MDP1: variants seen among roughly 807,000 people sequenced by gnomAD.
MDP1 encodes magnesium dependent phosphatase 1.
In MDP1, 18 loss-of-function variants were observed where a neutral mutation model predicts 21.6. The ratio of observed to expected loss-of-function variants is 0.83; its 90% CI spans 0.58 to 1.24. MDP1 has a LOEUF of 1.24. MDP1 is among the 50% of genes most tolerant of loss of function. The probability of loss-of-function intolerance (pLI) is 0.00; values close to 1 mark genes in which losing one functional copy is unlikely to be tolerated. For missense variants in MDP1, 207 were observed against 218.6 expected, an observed-to-expected ratio of 0.95 and a Z score of 0.33; for synonymous variants, 101 against 83.2, an observed-to-expected ratio of 1.21 and a Z score of -1.16.
At chr14:24,215,711 C>A in intron 2 of MDP1, 26 bp downstream of exon 2, 1 of 1,614,184 alleles carries the variant, frequency 6.2e-7, no homozygotes, top group Non-Finnish European at 8.5e-7. Context: ...CTATCTCGCC[C>A]CCAGTCTTCC....
chr14:24,214,851 C>CG (rs2039650280), intron 3 of MDP1, among the ~76,000 whole-genome samples: 1 of 152,010 alleles, frequency 6.6e-6, no homozygotes, highest in Non-Finnish European at 1.5e-5. Context: ...GACCCAATCA[C>CG]GGCTCACTGT....
Position 24,214,463 on chromosome 14 carries a change from C to T in MDP1, c.317+29G>A, listed in dbSNP as rs750160396. On this transcript the variant is annotated intron_variant, in intron 4 of 5. Coordinates refer to ENST00000288087, the MANE Select transcript of MDP1 (RefSeq NM_138476.4). ...TTCCCAGGCCTCTCTGATACTTTCT[C>T]ACCCTGCTCCTCCCTTATCTCCGCA... The T allele has an allele frequency of 3.1e-6, 5 of 1,614,094 alleles. No homozygotes were observed. The South Asian group carries it at 3.3e-5, about 11-fold the overall frequency.
intron 4 of MDP1, 34 bp from the exon 5 acceptor site, chr14:24,214,429 T>C: frequency 6.2e-7 from 1 of 1,614,208 alleles, no homozygotes; most frequent in African/African-American, 1.3e-5. Context: ...ACCAAGCTAG[T>C]ATCTTGGTTT....
Position 24,214,343 on chromosome 14 carries a change from C to T in MDP1, c.370G>A (p.Glu124Lys). Residue 124 changes from glutamate (E) to lysine (K), a missense_variant, in exon 5 of 6, where the codon GAG becomes AAG. Physicochemically the swap from Glu to Lys is moderately conservative, Grantham distance 56. Coordinates refer to ENST00000288087, the MANE Select transcript of MDP1 (RefSeq NM_138476.4). The part of the protein sequence containing the change: ...PFSQMIFFDD[E>K]RRNIVDVSKL... Reference sequence around the variant, plus strand: ...CTGACGTCTACAATATTCCGCCTCTCATCATCAAAGAAGATCATCTGGGAG... The same window carrying T: ...CTGACGTCTACAATATTCCGCCTCTTATCATCAAAGAAGATCATCTGGGAG... The T allele has an allele frequency of 1.2e-6, 2 of 1,614,218 alleles. No individual in the cohort carries two copies. The highest frequency in any genetic ancestry group is 1.7e-6 in the Non-Finnish European group (2 of 1,180,040).
chr14:24,214,466 C>T, intron 4 of MDP1, 26 bp downstream of exon 4: 1 of 1,614,138 alleles, frequency 6.2e-7, no homozygotes. Flanking sequence ...ACTTTCTCAC[C>T]CTGCTCCTCC....
Position 24,215,756 on chromosome 14 carries a change from G to A in MDP1, c.79C>T (p.Pro27Ser), listed in dbSNP as rs1402261360. The change falls in exon 2 of 6, where the codon CCT (proline) becomes TCT (serine). Residue 27 changes from proline (P) to serine (S), a missense_variant. Physicochemically the swap from Pro to Ser is moderately conservative, Grantham distance 74. Transcript: ENST00000288087. ...WPFWVDTHVD[P>S]PFHKSSDGTV... The stretch of plus-strand genomic sequence containing the variant: ...CCTCACCTGCTCTTATGGAACGGAG[G>A]GTCTACGTGCGTGTCGACCCAGAAA... The A allele has an allele frequency of 5.0e-6, 8 of 1,614,066 alleles. No homozygotes were observed. Among genetic ancestry groups the A allele is most frequent in the Non-Finnish European group, 6.8e-6 (8 of 1,180,042 alleles).
chr14:24,214,151 C>G lies in MDP1; in HGVS notation c.404G>C (p.Gly135Ala). Residue 135 changes from glycine to alanine, a missense_variant and splice_region_variant, in exon 6 of 6, where the codon GGT becomes GCT. Transcript: ENST00000288087. ...RRNIVDVSKL[G>A]VTCIHIQNGM... ...ATTCTGGATGTGAATGCAGGTAACA[C>G]CTAGAAAGATAAGAAGTCACATTTC... The G allele has an allele frequency of 6.2e-7, 1 of 1,609,876 alleles. No individual in the cohort carries two copies. Among genetic ancestry groups the G allele is most frequent in the Admixed American group, 1.7e-5 (1 of 58,910 alleles).
Position 24,214,556 on chromosome 14 carries a change from C to G in MDP1, c.253G>C (p.Asp85His). The G allele has an allele frequency of 6.2e-7, 1 of 1,614,184 alleles. No homozygotes were observed. The highest frequency in any genetic ancestry group is 8.5e-7 in the Non-Finnish European group (1 of 1,180,044). Residue 85 changes from aspartate (D) to histidine (H), a missense_variant, in exon 4 of 6, where the codon GAC (aspartate) becomes CAC (histidine). By Grantham distance (81) the Asp-to-His change is moderately conservative. Transcript: ENST00000288087. ...CGATGAACAAAGTACCTGAAGAGGT[C>G]AAAGAGCTCCAGTAGCTGGTTGGCC... is the stretch of plus-strand genomic sequence containing the variant. ...EGANQLLELF[D>H]LFRYFVHREI... is the part of the protein sequence containing the mutation.
At position 24,215,977 on chromosome 14, in the gene MDP1, G is replaced by A; in HGVS notation, c.-22C>T. Reference sequence around the variant, plus strand: ...CCATGACCCGCACCGCAGGCTGCGCGCAGCAGAGGTGGGGCTTCACCCGGG... The same window carrying A: ...CCATGACCCGCACCGCAGGCTGCGCACAGCAGAGGTGGGGCTTCACCCGGG... On this transcript the variant is annotated 5_prime_UTR_variant, in exon 1 of 6. Transcript: ENST00000288087. 6.2e-7 allele frequency: 1 copy of A among 1,614,048 alleles called. No homozygotes were observed. Among genetic ancestry groups the A allele is most frequent in the East Asian group, 2.2e-5 (1 of 44,878 alleles).
chr14:24,214,717 A>G (rs563556421), intron 3 of MDP1, 118 bp from the exon 4 acceptor site: 1 of 1,085,792 alleles, frequency 9.2e-7, no homozygotes, highest in Admixed American at 2.2e-5. Flanking sequence ...TCCGGGATGG[A>G]CAGGCATCCT....
intron 3 of MDP1, among the ~76,000 whole-genome samples, chr14:24,215,229 G>T (rs1436044798): frequency 6.6e-6 from 1 of 151,820 alleles, no homozygotes; most frequent in African/African-American, 2.4e-5. Flanking sequence ...AGGATTACAG[G>T]TGCGTGCCAC....
Position 24,215,535 on chromosome 14 carries a change from T to A in MDP1, c.209+17A>T, listed in dbSNP as rs1486771301. 1.2e-6 allele frequency: 2 copies of A among 1,613,174 alleles called. No individual in the cohort carries two copies. The highest frequency in any genetic ancestry group is 2.2e-5 in the South Asian group (2 of 91,074). ...CCCTTCAGCATTACACTGTCAGTTG[T>A]CAGTCGCTCTTCTTACCTTGAAGCA... On this transcript the variant is annotated intron_variant, in intron 3 of 5. Coordinates refer to ENST00000288087, the MANE Select transcript of MDP1 (RefSeq NM_138476.4).
At chr14:24,214,417 T>G (rs771064684) in intron 4 of MDP1, 22 bp from the exon 5 acceptor site, 1 of 1,614,112 alleles carries the variant, frequency 6.2e-7, no homozygotes, top group Admixed American at 1.7e-5. Flanking sequence ...AGGGCAGGAG[T>G]AACCAAGCTA....
At chr14:24,214,424 G>A in intron 4 of MDP1, 29 bp from the exon 5 acceptor site, 2 of 1,614,150 alleles carry the variant, frequency 1.2e-6, no homozygotes, top group Non-Finnish European at 1.7e-6. Context: ...GAGTAACCAA[G>A]CTAGTATCTT....
Position 24,214,082 on chromosome 14 carries a change from G to T in MDP1, c.473C>A (p.Ala158Glu). The change falls in exon 6 of 6, where the codon GCG (alanine) becomes GAG (glutamate). Residue 158 changes from alanine to glutamate, a missense_variant. Coordinates refer to ENST00000288087, the MANE Select transcript of MDP1 (RefSeq NM_138476.4). The stretch of plus-strand genomic sequence containing the variant: ...CCTCAAAGGCCCAGTTTGGGCCTTC[G>T]CAAATGTCTCTAACCCTTGACTTAG... The part of the protein sequence containing the change: ...QTLSQGLETF[A>E]KAQTGPLRSS... 6.2e-7 allele frequency: 1 copy of T among 1,613,462 alleles called. No homozygotes were observed. Among genetic ancestry groups the T allele is most frequent in the Non-Finnish European group, 8.5e-7 (1 of 1,179,672 alleles).
Position 24,213,957 on chromosome 14 carries a change from TCA to T in MDP1, c.*65_*66del. On this transcript the variant is annotated 3_prime_UTR_variant, in exon 6 of 6. Coordinates refer to ENST00000288087, the MANE Select transcript of MDP1 (RefSeq NM_138476.4). ...CACACTGTGGGTAAAATCTCTTCTGTCACACACAGATGAACTTTAATAAATTA... is the reference window on the plus strand; with the variant it reads ...CACACTGTGGGTAAAATCTCTTCTGTCACACAGATGAACTTTAATAAATTA... 1 of 1,525,364 alleles carries T rather than the reference TCA, an allele frequency of 6.6e-7. No individual in the cohort carries two copies. Among genetic ancestry groups the T allele is most frequent in the Non-Finnish European group, 8.8e-7 (1 of 1,139,228 alleles). 94.5% of individuals were successfully genotyped at this position (1,525,364 alleles called of 1,614,324 possible). A position where few individuals can be genotyped will look rare whatever the true frequency, so the allele number is the denominator to read the frequency against.
chr14:24,214,323 G>A lies in MDP1; in HGVS notation c.390C>T (p.Asp130=), dbSNP rs761987435. 1.6e-5 allele frequency: 26 copies of A among 1,614,134 alleles called. No individual in the cohort carries two copies. The East Asian group carries it at 4.2e-4, about 26-fold the overall frequency. ...ATCACTCAGTACCCAGTTTGCTGAC[G>A]TCTACAATATTCCGCCTCTCATCAT... ...FFDDERRNIV[D]VSKLGVTCIH... is the part of the protein sequence containing the mutation. The change falls in exon 5 of 6, where the codon GAC becomes GAT. Residue 130 remains aspartate (D), a synonymous_variant. Transcript: ENST00000288087.
At chr14:24,214,254 G>A (rs756904046) in intron 5 of MDP1, 56 bp downstream of exon 5, 2 of 1,613,936 alleles carry the variant, frequency 1.2e-6, no homozygotes, top group Admixed American at 1.7e-5. Context: ...CAACCTGTAT[G>A]TATCTACCTA....
In MDP1 at chr14:24,214,166, A is replaced by C. The variant is rs765269280; in HGVS notation, c.404-15T>G. ...GCAGGTAACACCTAGAAAGATAAGA[A>C]GTCACATTTCATTAAGCTTTCAGGG... On this transcript the variant is annotated splice_polypyrimidine_tract_variant and intron_variant, in intron 5 of 5. Transcript: ENST00000288087. 1.4e-5 allele frequency: 22 copies of C among 1,607,598 alleles called. No homozygotes were observed. Among genetic ancestry groups the C allele is most frequent in the Non-Finnish European group, 1.8e-5 (21 of 1,176,840 alleles).
Sources: gnomAD v4.1 joint callset for allele counts (sites outside exome capture counted in the v4.1 genomes callset) on GRCh38, gnomAD v4.1.1 for gene constraint, MANE v1.5 for transcripts, NCBI Gene and HGNC (gene_info 2026-07-23, HGNC 2026-07-21) for gene names.